NT5DC1: variants seen among roughly 807,000 people sequenced by gnomAD.
NT5DC1 encodes the protein 5'-nucleotidase domain-containing protein 1.
NT5DC1 carries 42 observed loss-of-function variants against 59.4 expected under a neutral mutation model. That is an observed-to-expected ratio of 0.71 (90% CI 0.55 to 0.92). NT5DC1 has a LOEUF of 0.92. NT5DC1 is among the 40% of genes least tolerant of loss of function. NT5DC1 has a pLI of 0.00. For synonymous variants in NT5DC1, 172 were observed against 188.1 expected, an observed-to-expected ratio of 0.91 and a Z score of 0.70; for missense variants, 501 against 537.1, an observed-to-expected ratio of 0.93 and a Z score of 0.66.
At chr6:116,175,247 C>A (rs1780708019) in intron 6 of NT5DC1, among the ~76,000 whole-genome samples, 1 of 152,120 alleles carries the variant, frequency 6.6e-6, no homozygotes, top group African/African-American at 2.4e-5. Context: ...TCTCTACCTC[C>A]CACCCAAGAA....
chr6:116,104,135 G>T (rs576526364), intron 1 of NT5DC1, among the ~76,000 whole-genome samples: 1 of 152,180 alleles, frequency 6.6e-6, no homozygotes, highest in Non-Finnish European at 1.5e-5. Flanking sequence ...CTTCTAGAGA[G>T]ACTCAGCGTA....
intron 6 of NT5DC1, among the ~76,000 whole-genome samples, chr6:116,158,156 A>G (rs1256753728): frequency 2.6e-5 from 4 of 152,214 alleles, no homozygotes; most frequent in Non-Finnish European, 5.9e-5. Context: ...AGTTTTTATT[A>G]CAAATAAATC....
chr6:116,222,872 A>G (rs138822980), intron 7 of NT5DC1, among the ~76,000 whole-genome samples, 162 bp from the exon 8 acceptor site: 160 of 152,312 alleles, frequency 1.1e-3, no homozygotes, highest in African/African-American at 3.6e-3. Flanking sequence ...TTTCCAGTGG[A>G]ATGTTCACCT....
At chr6:116,173,670 T>C (rs1267836510) in intron 6 of NT5DC1, among the ~76,000 whole-genome samples, 2 of 152,146 alleles carry the variant, frequency 1.3e-5, no homozygotes, top group African/African-American at 2.4e-5. Flanking sequence ...ATTTTTGTAA[T>C]TTATTTATTT....
chr6:116,232,699 T>C (rs1161132867), intron 8 of NT5DC1, among the ~76,000 whole-genome samples: 1 of 152,218 alleles, frequency 6.6e-6, no homozygotes. Flanking sequence ...TATTCAAGGC[T>C]GTCAGTCTAG....
At chr6:116,123,564 A>G (rs959075264) in intron 6 of NT5DC1, among the ~76,000 whole-genome samples, 1 of 152,242 alleles carries the variant, frequency 6.6e-6, no homozygotes, top group Non-Finnish European at 1.5e-5. Flanking sequence ...GTTTTGACAG[A>G]ACTCTTTTTT....
chr6:116,170,392 G>A (rs17580369), intron 6 of NT5DC1, among the ~76,000 whole-genome samples: 1,670 of 152,256 alleles, frequency 0.011, 13 homozygotes, highest in Non-Finnish European at 0.018. Flanking sequence ...CGTAGTTGGT[G>A]TGCTTGTAGG....
At chr6:116,197,363 C>T (rs1781254610) in intron 6 of NT5DC1, among the ~76,000 whole-genome samples, 1 of 152,000 alleles carries the variant, frequency 6.6e-6, no homozygotes, top group African/African-American at 2.4e-5. Context: ...GTCCTTGATT[C>T]TCTGCTAGGT....
intron 6 of NT5DC1, among the ~76,000 whole-genome samples, chr6:116,216,640 A>T (rs551928734): frequency 6.6e-6 from 1 of 151,940 alleles, no homozygotes; most frequent in African/African-American, 2.4e-5. Flanking sequence ...TTCTAGATTT[A>T]TTTATTTAAT....
intron 6 of NT5DC1, among the ~76,000 whole-genome samples, chr6:116,159,434 ATTG>A (rs1780279637): frequency 6.6e-6 from 1 of 152,042 alleles, no homozygotes. Flanking sequence ...TTTGTTCTTT[ATTG>A]CCTCTGAGTT....
At chr6:116,238,882 TTA>T in intron 10 of NT5DC1, 71 bp from the exon 11 acceptor site, 2 of 975,142 alleles carry the variant, frequency 2.1e-6, no homozygotes, top group South Asian at 2.9e-5. Flanking sequence ...TTTTATTTAC[TTA>T]ATAGACAAAA....
intron 6 of NT5DC1, among the ~76,000 whole-genome samples, chr6:116,158,121 T>C (rs573675366): frequency 1.3e-5 from 2 of 152,202 alleles, no homozygotes; most frequent in African/African-American, 4.8e-5. Flanking sequence ...CAATAGCTAT[T>C]AATATAATGA....
intron 4 of NT5DC1, among the ~76,000 whole-genome samples, chr6:116,111,540 T>C (rs509236): frequency 0.55 from 84,392 of 152,104 alleles, 24,330 homozygotes; most frequent in East Asian, 0.77. Context: ...TTTTTATAAA[T>C]AGACCTTATT....
intron 8 of NT5DC1, among the ~76,000 whole-genome samples, chr6:116,225,515 G>GA (rs1267679313): frequency 6.6e-6 from 1 of 152,294 alleles, no homozygotes; most frequent in East Asian, 1.9e-4. Flanking sequence ...GAGGAAAGAG[G>GA]AAAGGGTAGC....
intron 6 of NT5DC1, among the ~76,000 whole-genome samples, chr6:116,122,413 C>G (rs1015188962): frequency 6.6e-6 from 1 of 152,200 alleles, no homozygotes; most frequent in Non-Finnish European, 1.5e-5. Context: ...TGATTTACAT[C>G]TGCCATGCCT....
intron 6 of NT5DC1, among the ~76,000 whole-genome samples, chr6:116,198,679 C>T (rs376820139): frequency 5.3e-5 from 8 of 151,986 alleles, no homozygotes; most frequent in Admixed American, 3.9e-4. Context: ...CTATGAGCTA[C>T]GATCACACCA....
In NT5DC1 at chr6:116,159,423, C is replaced by T. The variant is rs184529615; in HGVS notation, c.529+41478C>T. ...GTGATTATTCATTTTCTACCCATTC[C>T]TTTGTTCTTTATTGCCTCTGAGTTA... is the stretch of plus-strand genomic sequence containing the variant. On this transcript the variant is annotated intron_variant, in intron 6 of 11. Transcript: ENST00000319550. Among the ~76,000 whole-genome samples, 3 of 152,188 alleles carry T rather than the reference C, an allele frequency of 2.0e-5. No individual in the cohort carries two copies. In the East Asian group the frequency reaches 5.8e-4, roughly 29 times the overall value.
chr6:116,223,835 A>C (rs1562172019), intron 8 of NT5DC1, among the ~76,000 whole-genome samples: 1 of 152,248 alleles, frequency 6.6e-6, no homozygotes, highest in Non-Finnish European at 1.5e-5. Context: ...TAGGAGATGA[A>C]CATCTAAAAT....
intron 6 of NT5DC1, among the ~76,000 whole-genome samples, chr6:116,199,946 C>CT (rs1377816386): frequency 6.7e-6 from 1 of 149,388 alleles, no homozygotes; most frequent in East Asian, 1.9e-4. Context: ...ATTTTTACTC[C>CT]TTAAGGGTAG....
Sources: gnomAD v4.1 joint callset for allele counts (sites outside exome capture counted in the v4.1 genomes callset) on GRCh38, gnomAD v4.1.1 for gene constraint, MANE v1.5 for transcripts, NCBI Gene and HGNC (gene_info 2026-07-23, HGNC 2026-07-21) for gene names.